The following ANKS1B variants were observed in gnomAD, a reference collection of about 807,000 sequenced individuals.
The protein encoded by ANKS1B is ankyrin repeat and sterile alpha motif domain-containing protein 1B.
ANKS1B carries 36 observed loss-of-function variants against 148.3 expected under a neutral mutation model. That is an observed-to-expected ratio of 0.24 (90% CI 0.19 to 0.32). The LOEUF is 0.32. ANKS1B is among the 10% of genes least tolerant of loss of function. The probability of loss-of-function intolerance (pLI) is 1.00; values close to 1 mark genes in which losing one functional copy is unlikely to be tolerated. For missense variants in ANKS1B, 1,157 were observed against 1,542.6 expected (o/e 0.75, Z 4.19); for synonymous variants, 542 against 560.8 (o/e 0.97, Z 0.47).
At chr12:99,278,424 C>T (rs544325842) in intron 12 of ANKS1B, among the ~76,000 whole-genome samples, 4 of 152,350 alleles carry the variant, frequency 2.6e-5, no homozygotes, top group Admixed American at 2.0e-4. Flanking sequence ...TAAACCACTA[C>T]AATTTTGGGG....
intron 15 of ANKS1B, among the ~76,000 whole-genome samples, chr12:99,100,311 G>C (rs1157231704): frequency 6.6e-6 from 1 of 152,132 alleles, no homozygotes; most frequent in African/African-American, 2.4e-5. Context: ...CTAGACTTCT[G>C]GGGCTTCTTT....
At chr12:99,287,238 G>A (rs1361062424) in intron 12 of ANKS1B, among the ~76,000 whole-genome samples, 1 of 152,326 alleles carries the variant, frequency 6.6e-6, no homozygotes, top group East Asian at 1.9e-4. Context: ...AGGAAAGCGA[G>A]AGAAGAGAAC....
intron 9 of ANKS1B, among the ~76,000 whole-genome samples, chr12:99,618,860 AG>A (rs1372626906): frequency 6.6e-6 from 1 of 152,154 alleles, no homozygotes; most frequent in Non-Finnish European, 1.5e-5. Flanking sequence ...TTTTAGTCTC[AG>A]GCCGGAGATT....
intron 9 of ANKS1B, among the ~76,000 whole-genome samples, chr12:99,577,877 T>C (rs1373788782): frequency 6.6e-6 from 1 of 152,102 alleles, no homozygotes; most frequent in African/African-American, 2.4e-5. Context: ...TCTCATCCTA[T>C]AAGGCCAGCA....
intron 9 of ANKS1B, among the ~76,000 whole-genome samples, chr12:99,532,331 A>T (rs781106791): frequency 7.2e-5 from 11 of 152,002 alleles, no homozygotes; most frequent in Non-Finnish European, 1.3e-4. Flanking sequence ...CAGGTCTTAC[A>T]TTTAAGGTTT....
chr12:99,451,223 TAATAAC>T (rs2095729444), intron 10 of ANKS1B, among the ~76,000 whole-genome samples: 2 of 151,944 alleles, frequency 1.3e-5, no homozygotes, highest in Non-Finnish European at 2.9e-5. Flanking sequence ...GTTTAGTCTA[TAATAAC>T]AACATTAGAA....
chr12:98,894,830 G>C, intron 17 of ANKS1B: 1 of 982,106 alleles, frequency 1.0e-6, no homozygotes, highest in Non-Finnish European at 1.2e-6. Flanking sequence ...GAGCTTGGCC[G>C]CGCCGCGCTG....
chr12:99,034,836 C>T (rs2099954507), intron 17 of ANKS1B, among the ~76,000 whole-genome samples: 1 of 152,122 alleles, frequency 6.6e-6, no homozygotes, highest in Non-Finnish European at 1.5e-5. Flanking sequence ...CAGAGGTGAG[C>T]ACGTGTTCTC....
In ANKS1B at chr12:99,470,114, C is replaced by CTAATAATAATAATAA. The variant is rs369653175; in HGVS notation, c.1439-26320_1439-26306dup. Among the ~76,000 whole-genome samples the CTAATAATAATAATAA allele has an allele frequency of 2.9e-3, 436 of 148,084 alleles. 4 individuals are homozygous for CTAATAATAATAATAA. Among genetic ancestry groups the CTAATAATAATAATAA allele is most frequent in the African/African-American group, 9.0e-3 (362 of 40,188 alleles). ...AGCCTAGGTAACAGAGACTCTGTCT[C>CTAATAATAATAATAA]TAATAATAATAATAATAATAATAAT... On this transcript the variant is annotated intron_variant, in intron 10 of 26. Coordinates refer to ENST00000683438, the MANE Select transcript of ANKS1B (RefSeq NM_001352186.2).
intron 17 of ANKS1B, among the ~76,000 whole-genome samples, chr12:98,853,651 A>G (rs1027566357): frequency 6.6e-6 from 1 of 152,146 alleles, no homozygotes; most frequent in Non-Finnish European, 1.5e-5. Context: ...AGTTAAATAG[A>G]TCCCCCCTGC....
At chr12:99,120,554 A>G (rs2062532918) in intron 15 of ANKS1B, among the ~76,000 whole-genome samples, 1 of 152,236 alleles carries the variant, frequency 6.6e-6, no homozygotes, top group South Asian at 2.1e-4. Context: ...TAGAAACCAG[A>G]TATTCAATGA....
chr12:99,723,343 G>A (rs1318672457), intron 8 of ANKS1B, among the ~76,000 whole-genome samples: 1 of 152,124 alleles, frequency 6.6e-6, no homozygotes, highest in African/African-American at 2.4e-5. Flanking sequence ...GTTCCGAGAG[G>A]GGTCCCCCGC....
At chr12:99,719,700 G>A (rs1369220918) in intron 8 of ANKS1B, among the ~76,000 whole-genome samples, 1 of 152,010 alleles carries the variant, frequency 6.6e-6, no homozygotes, top group Non-Finnish European at 1.5e-5. Flanking sequence ...CATGCGAGAG[G>A]TTTCCTCACT....
At chr12:98,797,598 C>T (rs2098961481) in intron 22 of ANKS1B, among the ~76,000 whole-genome samples, 1 of 152,122 alleles carries the variant, frequency 6.6e-6, no homozygotes, top group Non-Finnish European at 1.5e-5. Flanking sequence ...TAAATATTCA[C>T]TGGTACTGAC....
At chr12:99,351,287 C>T (rs1476366873) in intron 12 of ANKS1B, among the ~76,000 whole-genome samples, 1 of 152,032 alleles carries the variant, frequency 6.6e-6, no homozygotes, top group African/African-American at 2.4e-5. Context: ...CCAAGGCCCA[C>T]TAAACTAACT....
chr12:99,448,588 CTAAG>C (rs1319221501), intron 10 of ANKS1B, among the ~76,000 whole-genome samples: 1 of 152,008 alleles, frequency 6.6e-6, no homozygotes, highest in Non-Finnish European at 1.5e-5. Context: ...AAAAAAAATG[CTAAG>C]TATGTGAGGT....
chr12:99,171,125 T>A (rs764095681), intron 14 of ANKS1B, among the ~76,000 whole-genome samples: 36 of 152,218 alleles, frequency 2.4e-4, no homozygotes, highest in Non-Finnish European at 3.8e-4. Context: ...GAGTGAATAG[T>A]ATTCATTTCT....
chr12:99,265,690 A>T (rs1299148971), intron 12 of ANKS1B, among the ~76,000 whole-genome samples: 1 of 152,124 alleles, frequency 6.6e-6, no homozygotes, highest in African/African-American at 2.4e-5. Context: ...CCTCATTAAG[A>T]ACCAACTGTG....
intron 9 of ANKS1B, among the ~76,000 whole-genome samples, chr12:99,614,903 A>AAC (rs2097939076): frequency 1.3e-5 from 2 of 150,944 alleles, no homozygotes; most frequent in Non-Finnish European, 3.0e-5. Context: ...AAAAAAAAAA[A>AAC]GTTGCTTTAG....
Sources: allele counts gnomAD v4.1 joint callset (sites outside exome capture counted in the v4.1 genomes callset), GRCh38; gene constraint gnomAD v4.1.1; transcripts MANE v1.5; gene names NCBI Gene and HGNC (gene_info 2026-07-23, HGNC 2026-07-21).